The following ADAM20 variants were observed in gnomAD, a reference collection of about 807,000 sequenced individuals.
ADAM20 encodes disintegrin and metalloproteinase domain-containing protein 20.
For missense variants in ADAM20, 871 were observed against 883.2 expected (o/e 0.99, Z 0.18); for synonymous variants, 305 against 310.2 (o/e 0.98, Z 0.18).
chr14:70,557,827 C>T, the ADAM20 span, among the ~76,000 whole-genome samples: 6 of 150,768 alleles, frequency 4.0e-5, no homozygotes, highest in Admixed American at 4.0e-4. Flanking sequence ...GATAATTTTT[C>T]TTCTAGTGTG....
the ADAM20 span, among the ~76,000 whole-genome samples, chr14:70,567,042 C>G: frequency 1.3e-5 from 2 of 152,090 alleles, no homozygotes; most frequent in Non-Finnish European, 2.9e-5. Context: ...CTGCTGACCA[C>G]CAAACTGTTG....
the ADAM20 span, among the ~76,000 whole-genome samples, chr14:70,542,772 C>G: frequency 6.6e-6 from 1 of 152,146 alleles, no homozygotes; most frequent in Admixed American, 6.5e-5. Context: ...AACCCTGTCT[C>G]TACTAGAAAT....
upstream of ADAM20, among the ~76,000 whole-genome samples, chr14:70,537,980 T>C (rs1053351596): frequency 6.6e-6 from 1 of 152,114 alleles, no homozygotes; most frequent in African/African-American, 2.4e-5. Context: ...AAATCCTTTT[T>C]CTTAATGAAA....
chr14:70,528,078 A>T (rs573140206), intron 1 of ADAM20, among the ~76,000 whole-genome samples: 1 of 152,322 alleles, frequency 6.6e-6, no homozygotes, highest in Admixed American at 6.5e-5. Context: ...GTGTGGTTCT[A>T]CCACATCACC....
At chr14:70,567,830 G>A in the ADAM20 span, among the ~76,000 whole-genome samples, 331 of 152,224 alleles carry the variant, frequency 2.2e-3, 1 homozygote, top group African/African-American at 7.7e-3. Context: ...AACTAAGGTC[G>A]TGAGCTTTGC....
At chr14:70,569,152 C>T in the ADAM20 span, among the ~76,000 whole-genome samples, 1 of 151,986 alleles carries the variant, frequency 6.6e-6, no homozygotes, top group Non-Finnish European at 1.5e-5. Flanking sequence ...AAATGGCAGC[C>T]AAAAAGTTCA....
chr14:70,567,866 T>A, the ADAM20 span, among the ~76,000 whole-genome samples: 1 of 152,126 alleles, frequency 6.6e-6, no homozygotes, highest in African/African-American at 2.4e-5. Context: ...GGGAAGCAGA[T>A]GGCATTCCTG....
At chr14:70,532,731 C>G (rs1055908372) in intron 1 of ADAM20, among the ~76,000 whole-genome samples, 1 of 152,126 alleles carries the variant, frequency 6.6e-6, no homozygotes, top group Non-Finnish European at 1.5e-5. Flanking sequence ...CAGTGGCCTA[C>G]ATGACAGGAG....
rs1595016330 is a variant in ADAM20, at chr14:70,524,723, A to C, written c.35T>G (p.Val12Gly). The stretch of plus-strand genomic sequence containing the variant: ...CCCAAACCAGAGCAGCAGAAGAGTG[A>C]CCCTGATGTGCACCAGGGGCTCACC... ...AVGEPLVHIR[V>G]TLLLLWFGMF... The change falls in exon 2 of 2, where the codon GTC becomes GGC. Residue 12 changes from valine (V) to glycine (G), a missense_variant. By Grantham distance (109) the Val-to-Gly change is moderately radical (BLOSUM62 -3). Coordinates refer to ENST00000256389, the MANE Select transcript of ADAM20 (RefSeq NM_003814.5). 1 of 1,613,908 alleles carries C rather than the reference A, an allele frequency of 6.2e-7. No individual in the cohort carries two copies. Among genetic ancestry groups the C allele is most frequent in the Non-Finnish European group, 8.5e-7 (1 of 1,179,918 alleles).
chr14:70,545,622 G>C, the ADAM20 span, among the ~76,000 whole-genome samples: 2 of 152,024 alleles, frequency 1.3e-5, no homozygotes, highest in African/African-American at 4.8e-5. Flanking sequence ...GACAAAGAAG[G>C]TCATTACATA....
the ADAM20 span, among the ~76,000 whole-genome samples, chr14:70,574,208 G>A: frequency 6.6e-6 from 1 of 151,920 alleles, no homozygotes. Flanking sequence ...TCACAAACGT[G>A]GAAATTAATA....
the ADAM20 span, among the ~76,000 whole-genome samples, chr14:70,566,644 T>C: frequency 6.6e-6 from 1 of 152,150 alleles, no homozygotes; most frequent in Non-Finnish European, 1.5e-5. Context: ...AGGAAGAATC[T>C]GGCAGAGATC....
At position 70,523,238 on chromosome 14, in the gene ADAM20, G is replaced by A. The variant is rs188347579; in HGVS notation, c.1520C>T (p.Thr507Met). ...CNVNAFCYEKTCNNHDIQCKE... is the reference protein window; with the variant it reads ...CNVNAFCYEKMCNNHDIQCKE... ...ACATTGTATATCATGGTTATTACAC[G>A]TCTTTTCATAGCAGAAGGCATTCAC... The change falls in exon 2 of 2, where the codon ACG becomes ATG. Residue 507 changes from threonine (T) to methionine (M), a missense_variant. Physicochemically the swap from Thr to Met is moderately conservative, Grantham distance 81. Coordinates refer to ENST00000256389, the MANE Select transcript of ADAM20 (RefSeq NM_003814.5). 1.4e-5 allele frequency: 23 copies of A among 1,613,792 alleles called. No individual in the cohort carries two copies. Among genetic ancestry groups the A allele is most frequent in the East Asian group, 2.2e-5 (1 of 44,878 alleles).
At chr14:70,543,814 G>A in the ADAM20 span, among the ~76,000 whole-genome samples, 1 of 152,282 alleles carries the variant, frequency 6.6e-6, no homozygotes, top group African/African-American at 2.4e-5. Context: ...TAGCCAGAAA[G>A]AACACGCCAT....
chr14:70,572,099 T>G, the ADAM20 span, among the ~76,000 whole-genome samples: 6 of 152,172 alleles, frequency 3.9e-5, no homozygotes, highest in African/African-American at 4.8e-5. Context: ...AAATTACCAA[T>G]GTCATTTTTC....
At chr14:70,545,784 C>T in the ADAM20 span, among the ~76,000 whole-genome samples, 67 of 152,264 alleles carry the variant, frequency 4.4e-4, no homozygotes, top group African/African-American at 1.6e-3. Flanking sequence ...CTCAACATGC[C>T]ACTTTCAGCA....
the ADAM20 span, among the ~76,000 whole-genome samples, chr14:70,542,170 T>C: frequency 6.6e-6 from 1 of 152,224 alleles, no homozygotes; most frequent in Non-Finnish European, 1.5e-5. Flanking sequence ...TATACTCCCA[T>C]GAACAAAATT....
the ADAM20 span, among the ~76,000 whole-genome samples, chr14:70,575,775 A>G: frequency 6.6e-6 from 1 of 152,200 alleles, no homozygotes; most frequent in Non-Finnish European, 1.5e-5. Context: ...GTCATAAGGA[A>G]GGTATTACCA....
intron 1 of ADAM20, among the ~76,000 whole-genome samples, chr14:70,533,677 T>G (rs1029008036): frequency 1.3e-5 from 2 of 151,896 alleles, no homozygotes; most frequent in Non-Finnish European, 2.9e-5. Flanking sequence ...AGATGATGGG[T>G]TGATGGGTGC....
Sources: gnomAD v4.1 joint callset for allele counts (sites outside exome capture counted in the v4.1 genomes callset) on GRCh38, gnomAD v4.1.1 for gene constraint, MANE v1.5 for transcripts, NCBI Gene and HGNC (gene_info 2026-07-23, HGNC 2026-07-21) for gene names.